The following PEX5L variants were observed in gnomAD, a reference collection of about 807,000 sequenced individuals.
PEX5L encodes the protein peroxisomal biogenesis factor 5 like, also known as PEX5-related protein.
A neutral mutation model predicts 84.0 loss-of-function variants in PEX5L; 30 were observed. The ratio of observed to expected loss-of-function variants is 0.36; its 90% CI spans 0.27 to 0.48. The LOEUF (loss-of-function observed/expected upper bound fraction) is 0.48. Among genes scored for constraint, PEX5L ranks in the 20% least tolerant of loss-of-function variants. PEX5L has a pLI of 0.99. For synonymous variants in PEX5L, 270 were observed against 283.1 expected (o/e 0.95, Z 0.46); for missense variants, 533 against 754.6 (o/e 0.71, Z 3.44).
At chr3:179,847,837 GA>G (rs1160081103) in intron 8 of PEX5L, among the ~76,000 whole-genome samples, 2 of 151,696 alleles carry the variant, frequency 1.3e-5, no homozygotes, top group Non-Finnish European at 2.9e-5. Context: ...GAGTAGCTGG[GA>G]CTATCTGTAT....
At chr3:179,860,621 G>A (rs2108548384) in intron 7 of PEX5L, among the ~76,000 whole-genome samples, 1 of 152,336 alleles carries the variant, frequency 6.6e-6, no homozygotes, top group South Asian at 2.1e-4. Flanking sequence ...AGATAGCTCA[G>A]CTGCTCTTCA....
chr3:179,993,050 A>G (rs1787534948), intron 1 of PEX5L, among the ~76,000 whole-genome samples: 1 of 152,122 alleles, frequency 6.6e-6, no homozygotes, highest in Non-Finnish European at 1.5e-5. Context: ...CCCCGTTATT[A>G]CAAGAGTAAC....
chr3:179,834,765 A>T (rs1296623923), intron 8 of PEX5L, among the ~76,000 whole-genome samples: 1 of 152,212 alleles, frequency 6.6e-6, no homozygotes. Context: ...TCTTAGAATG[A>T]TTGGAAAAGC....
At chr3:179,902,641 T>C (rs1030447998) in intron 2 of PEX5L, 2 of 456,168 alleles carry the variant, frequency 4.4e-6, no homozygotes, top group Admixed American at 2.4e-5. Flanking sequence ...CTAAATGCCA[T>C]TAAATGCCAC....
chr3:179,898,826 T>G (rs895915482), intron 2 of PEX5L, among the ~76,000 whole-genome samples: 5 of 152,084 alleles, frequency 3.3e-5, no homozygotes, highest in Admixed American at 3.3e-4. Context: ...ATAAACTTCA[T>G]GAAAAAAACA....
chr3:179,845,030 A>G (rs1439099417), intron 8 of PEX5L, among the ~76,000 whole-genome samples: 2 of 152,164 alleles, frequency 1.3e-5, no homozygotes, highest in African/African-American at 2.4e-5. Flanking sequence ...ACGTTTAAAA[A>G]TCGTGTGATC....
At chr3:179,840,402 T>C (rs1363573041) in intron 8 of PEX5L, among the ~76,000 whole-genome samples, 1 of 152,052 alleles carries the variant, frequency 6.6e-6, no homozygotes, top group Non-Finnish European at 1.5e-5. Flanking sequence ...TTGGCCAGGC[T>C]GGTCTCGAAC....
intron 2 of PEX5L, among the ~76,000 whole-genome samples, chr3:179,904,233 A>G (rs1762369791): frequency 6.6e-6 from 1 of 152,196 alleles, no homozygotes; most frequent in Non-Finnish European, 1.5e-5. Flanking sequence ...TCTCCATGCA[A>G]CAGGTGCACA....
chr3:179,822,384 A>G (rs1728834982), intron 8 of PEX5L, among the ~76,000 whole-genome samples: 1 of 152,186 alleles, frequency 6.6e-6, no homozygotes, highest in African/African-American at 2.4e-5. Context: ...GCTGCTTTGG[A>G]AAACTGAGAG....
chr3:180,016,540 C>T lies in PEX5L; in HGVS notation c.21+20039G>A, dbSNP rs187333524. On this transcript the variant is annotated intron_variant, in intron 1 of 14. Transcript: ENST00000467460. ...AATTATCACGCAGGAATGAACAATACAGAAAATTCTTGCTGATTTTTATCA... is the reference window on the plus strand; with the variant it reads ...AATTATCACGCAGGAATGAACAATATAGAAAATTCTTGCTGATTTTTATCA... Among the ~76,000 whole-genome samples the T allele has an allele frequency of 1.4e-4, 21 of 152,228 alleles. 1 individual carries two copies. The East Asian group carries it at 3.7e-3, about 27-fold the overall frequency.
intron 3 of PEX5L, chr3:179,896,171 T>C (rs1248365223): frequency 2.6e-5 from 4 of 152,148 alleles, no homozygotes; most frequent in Non-Finnish European, 5.9e-5. Context: ...CACTTGTGTA[T>C]AGTGGAAAAA....
intron 8 of PEX5L, among the ~76,000 whole-genome samples, chr3:179,831,762 C>T (rs114115334): frequency 7.1e-4 from 108 of 151,874 alleles, no homozygotes; most frequent in Middle Eastern, 3.4e-3. Context: ...TGTAATGGCA[C>T]GAGGAAAGAA....
At chr3:179,960,207 T>A (rs1430147628) in intron 2 of PEX5L, among the ~76,000 whole-genome samples, 1 of 152,206 alleles carries the variant, frequency 6.6e-6, no homozygotes, top group African/African-American at 2.4e-5. Flanking sequence ...TTCCTTGCAA[T>A]CTATATCCTC....
chr3:179,902,863 G>T (rs1761877169), intron 2 of PEX5L, among the ~76,000 whole-genome samples: 1 of 152,052 alleles, frequency 6.6e-6, no homozygotes, highest in Non-Finnish European at 1.5e-5. Context: ...ATTGAGATAG[G>T]TTAGATTAGA....
intron 1 of PEX5L, among the ~76,000 whole-genome samples, chr3:180,026,122 C>T (rs923338511): frequency 1.3e-4 from 19 of 140,774 alleles, no homozygotes; most frequent in Non-Finnish European, 2.4e-4. Flanking sequence ...CATCAAAAGC[C>T]TTTCAGCATT....
At chr3:179,872,085 A>G (rs1373291674) in intron 7 of PEX5L, among the ~76,000 whole-genome samples, 1 of 152,066 alleles carries the variant, frequency 6.6e-6, no homozygotes, top group Non-Finnish European at 1.5e-5. Context: ...GGGTTTTGCT[A>G]TGTATCCCAG....
At chr3:179,955,162 G>A (rs1261012364) in intron 2 of PEX5L, among the ~76,000 whole-genome samples, 2 of 152,006 alleles carry the variant, frequency 1.3e-5, no homozygotes, top group Non-Finnish European at 2.9e-5. Flanking sequence ...AAGTTCTGAG[G>A]AAGCTAGAGG....
chr3:180,011,785 T>C (rs1421956630), intron 1 of PEX5L, among the ~76,000 whole-genome samples: 1 of 152,216 alleles, frequency 6.6e-6, no homozygotes, highest in Non-Finnish European at 1.5e-5. Context: ...CTTCCCTTTT[T>C]ATCCTTTTCA....
intron 2 of PEX5L, among the ~76,000 whole-genome samples, chr3:179,900,512 A>G (rs372340225): frequency 1.3e-5 from 2 of 152,370 alleles, no homozygotes; most frequent in Admixed American, 6.5e-5. Context: ...TATAATAGCT[A>G]GAGTTAGCAA....
Sources: allele counts gnomAD v4.1 joint callset (sites outside exome capture counted in the v4.1 genomes callset), GRCh38; gene constraint gnomAD v4.1.1; transcripts MANE v1.5; gene names NCBI Gene and HGNC (gene_info 2026-07-23, HGNC 2026-07-21).